The following KSR1 variants were observed in gnomAD, a reference collection of about 807,000 sequenced individuals.
KSR1 encodes the protein kinase suppressor of ras.
A neutral mutation model predicts 92.9 loss-of-function variants in KSR1; 35 were observed. The ratio of observed to expected loss-of-function variants is 0.38; its 90% CI spans 0.29 to 0.50. KSR1 has a LOEUF of 0.50. Ranked by LOEUF, KSR1 falls within the 20% of genes least tolerant of loss-of-function variation. The pLI, the probability that KSR1 is intolerant of heterozygous loss-of-function variation, is 0.94. For missense variants in KSR1, 972 were observed against 1,158.5 expected, an observed-to-expected ratio of 0.84 and a Z score of 2.34; for synonymous variants, 467 against 472.6, an observed-to-expected ratio of 0.99 and a Z score of 0.15.
At chr17:27,602,032 G>A in intron 11 of KSR1, 1 of 1,009,138 alleles carries the variant, frequency 9.9e-7, no homozygotes, top group Non-Finnish European at 1.5e-6. Flanking sequence ...TTTCATTCCT[G>A]CCCCTAAAGT....
chr17:27,481,357 CT>C (rs1337615984), intron 1 of KSR1, among the ~76,000 whole-genome samples: 4 of 152,172 alleles, frequency 2.6e-5, no homozygotes, highest in Admixed American at 2.6e-4. Flanking sequence ...GGGAATTGGA[CT>C]GGCTGATTTC....
At chr17:27,569,379 G>A (rs903575260) in intron 2 of KSR1, among the ~76,000 whole-genome samples, 1 of 152,220 alleles carries the variant, frequency 6.6e-6, no homozygotes, top group Non-Finnish European at 1.5e-5. Context: ...AAGGTGACAA[G>A]ATGTGGGTGT....
chr17:27,514,638 C>T (rs371464196), intron 1 of KSR1, among the ~76,000 whole-genome samples: 31 of 144,166 alleles, frequency 2.2e-4, no homozygotes, highest in East Asian at 1.8e-3. Flanking sequence ...CCAACCTGGG[C>T]GACAGGAGCA....
chr17:27,563,879 C>T (rs1015953347), intron 2 of KSR1, among the ~76,000 whole-genome samples: 2 of 152,098 alleles, frequency 1.3e-5, no homozygotes, highest in South Asian at 4.1e-4. Flanking sequence ...CCTGCTATAC[C>T]TGCCGCTTTA....
chr17:27,574,648 C>T (rs1346957771), intron 2 of KSR1, among the ~76,000 whole-genome samples: 6 of 152,128 alleles, frequency 3.9e-5, no homozygotes, highest in Non-Finnish European at 8.8e-5. Context: ...CAGGACTCAG[C>T]CAGTATCTTC....
At chr17:27,505,166 CAGG>C (rs1193627650) in intron 1 of KSR1, among the ~76,000 whole-genome samples, 1 of 152,176 alleles carries the variant, frequency 6.6e-6, no homozygotes, top group African/African-American at 2.4e-5. Flanking sequence ...TATGACACTT[CAGG>C]AGGATAGTCC....
intron 17 of KSR1, 24 bp downstream of exon 17, chr17:27,610,222 AGGCCAAGTGT>A: frequency 6.2e-7 from 1 of 1,613,384 alleles, no homozygotes; most frequent in Non-Finnish European, 8.5e-7. Context: ...TGGTGCCCTG[AGGCCAAGTGT>A]GGCCAAAACA....
At chr17:27,490,261 T>C (rs975830452) in intron 1 of KSR1, among the ~76,000 whole-genome samples, 4 of 152,210 alleles carry the variant, frequency 2.6e-5, no homozygotes, top group Admixed American at 2.0e-4. Context: ...CTAGCTATTA[T>C]ATGAGGTGGT....
intron 1 of KSR1, among the ~76,000 whole-genome samples, chr17:27,485,790 C>T (rs2068645682): frequency 6.6e-6 from 1 of 152,180 alleles, no homozygotes; most frequent in Non-Finnish European, 1.5e-5. Flanking sequence ...CTCACTTTGC[C>T]ATTTGCTGGC....
At chr17:27,492,227 AT>A (rs2068853811) in intron 1 of KSR1, among the ~76,000 whole-genome samples, 1 of 152,184 alleles carries the variant, frequency 6.6e-6, no homozygotes. Flanking sequence ...AACACTGTTC[AT>A]TTAGAGGCTG....
intron 1 of KSR1, among the ~76,000 whole-genome samples, chr17:27,511,044 C>T (rs1431199574): frequency 4.6e-5 from 7 of 152,224 alleles, no homozygotes; most frequent in Admixed American, 3.3e-4. Flanking sequence ...GCACACTGCA[C>T]ACAGCTCTTG....
chr17:27,558,632 A>T (rs1213690207), intron 2 of KSR1, among the ~76,000 whole-genome samples: 1 of 151,954 alleles, frequency 6.6e-6, no homozygotes, highest in African/African-American at 2.4e-5. Context: ...TCACTGCAGG[A>T]TAGAGGTCAG....
At chr17:27,601,521 G>T in intron 11 of KSR1, 120 bp downstream of exon 11, 2 of 820,214 alleles carry the variant, frequency 2.4e-6, no homozygotes. Context: ...CCCTCCACCT[G>T]TTCTGAGAGC....
intron 2 of KSR1, among the ~76,000 whole-genome samples, chr17:27,557,005 A>G (rs137880426): frequency 6.6e-6 from 1 of 152,318 alleles, no homozygotes; most frequent in African/African-American, 2.4e-5. Context: ...AGGAGTGCCA[A>G]GGTCCTGCCA....
chr17:27,467,535 G>A (rs2019755342), intron 1 of KSR1, among the ~76,000 whole-genome samples: 1 of 152,194 alleles, frequency 6.6e-6, no homozygotes, highest in Admixed American at 6.5e-5. Flanking sequence ...CTAAGAGATA[G>A]ACATTATCTT....
intron 1 of KSR1, among the ~76,000 whole-genome samples, chr17:27,515,621 T>A: frequency 6.6e-6 from 1 of 151,370 alleles, no homozygotes. Context: ...GTTTTTTTTT[T>A]TTTTTTTTTT....
rs1455912570 is a variant in KSR1, at chr17:27,604,693, C to T, written c.1579C>T (p.Pro527Ser). The T allele has an allele frequency of 6.2e-7, 1 of 1,614,024 alleles. No homozygotes were observed. Among genetic ancestry groups the T allele is most frequent in the Non-Finnish European group, 8.5e-7 (1 of 1,179,892 alleles). Residue 527 changes from proline to serine, a missense_variant, in exon 13 of 21, where the codon CCG becomes TCG. Transcript: ENST00000644974. Reference protein sequence around the residue: ...AADGTRLDDQPKADVLEAHEA... With the variant: ...AADGTRLDDQSKADVLEAHEA... Reference sequence around the variant, plus strand: ...GTTTACTCTTAGGCTCGATGACCAGCCGAAAGCAGATGTGTTGGAAGCTCA... The same window carrying T: ...GTTTACTCTTAGGCTCGATGACCAGTCGAAAGCAGATGTGTTGGAAGCTCA...
intron 2 of KSR1, among the ~76,000 whole-genome samples, chr17:27,568,668 G>C (rs539367970): frequency 1.3e-4 from 20 of 152,364 alleles, no homozygotes; most frequent in Admixed American, 7.8e-4. Flanking sequence ...GGTCCCCCAT[G>C]GGGAGTTACA....
At position 27,610,588 on chromosome 17, in the gene KSR1, C is replaced by G. The variant is rs978488432; in HGVS notation, c.2357+390C>G. ...GGATATCCTGCCGGCTCTGCTACCC[C>G]ACAAAGACCTGGGTGCTGACCAGTA... On this transcript the variant is annotated intron_variant, in intron 17 of 20. Coordinates refer to ENST00000644974, the MANE Select transcript of KSR1 (RefSeq NM_001394583.1). Among the ~76,000 whole-genome samples, 3 of 152,192 alleles carry G rather than the reference C, an allele frequency of 2.0e-5. No homozygotes were observed. The East Asian group carries it at 5.8e-4, about 29-fold the overall frequency.
Sources: gnomAD v4.1 joint callset for allele counts (sites outside exome capture counted in the v4.1 genomes callset) on GRCh38, gnomAD v4.1.1 for gene constraint, MANE v1.5 for transcripts, NCBI Gene and HGNC (gene_info 2026-07-23, HGNC 2026-07-21) for gene names.